CNTNAP4: variants seen among roughly 807,000 people sequenced by gnomAD.
The protein encoded by CNTNAP4 is contactin-associated protein-like 4.
In CNTNAP4, 98 loss-of-function variants were observed where a neutral mutation model predicts 148.4. That is an observed-to-expected ratio of 0.66 (90% CI 0.56 to 0.78). The LOEUF (loss-of-function observed/expected upper bound fraction) is 0.78, where lower values mean the gene tolerates loss of function less well. Among genes scored for constraint, CNTNAP4 ranks in the 30% least tolerant of loss-of-function variants. The pLI is 0.00. For missense variants in CNTNAP4, 1,935 were observed against 1,565.6 expected (o/e 1.24, Z -3.98); for synonymous variants, 730 against 565.1 (o/e 1.29, Z -4.14).
intron 4 of CNTNAP4, among the ~76,000 whole-genome samples, chr16:76,439,945 A>G (rs1220784977): frequency 1.3e-5 from 2 of 152,162 alleles, no homozygotes; most frequent in African/African-American, 2.4e-5. Flanking sequence ...TCAAGTGCCT[A>G]TCTATCATGC....
At chr16:76,337,394 A>G (rs549992642) in intron 2 of CNTNAP4, among the ~76,000 whole-genome samples, 2 of 152,292 alleles carry the variant, frequency 1.3e-5, no homozygotes, top group African/African-American at 4.8e-5. Flanking sequence ...CAGGGGTGAC[A>G]TCACATATCG....
chr16:76,419,491 G>C (rs1336942789), intron 3 of CNTNAP4, among the ~76,000 whole-genome samples: 1 of 152,024 alleles, frequency 6.6e-6, no homozygotes, highest in African/African-American at 2.4e-5. Flanking sequence ...CTCTAAGACT[G>C]TGGTCAGGAA....
rs1024857174 is a variant in CNTNAP4, at chr16:76,451,979, A to G, written c.1072-529A>G. ...CATTACGTATTATATATATGTATCA[A>G]AATATCACATGTGCCTCATAAATAT... On this transcript the variant is annotated intron_variant, in intron 7 of 23. Transcript: ENST00000611870. Among the ~76,000 whole-genome samples, 8 of 152,168 alleles carry G rather than the reference A, an allele frequency of 5.3e-5. No homozygotes were observed. The East Asian group carries it at 1.2e-3, about 22-fold the overall frequency.
At chr16:76,498,177 G>A (rs1283348796) in intron 14 of CNTNAP4, among the ~76,000 whole-genome samples, 1 of 152,116 alleles carries the variant, frequency 6.6e-6, no homozygotes, top group Non-Finnish European at 1.5e-5. Flanking sequence ...GATCACTTGA[G>A]GCCAGGAGTT....
At chr16:76,469,336 CAT>C (rs1195958932) in intron 10 of CNTNAP4, among the ~76,000 whole-genome samples, 17 of 152,104 alleles carry the variant, frequency 1.1e-4, no homozygotes, top group African/African-American at 4.1e-4. Flanking sequence ...TGAACTTGTC[CAT>C]AGTTACAACC....
intron 3 of CNTNAP4, among the ~76,000 whole-genome samples, chr16:76,414,474 G>T (rs1188120614): frequency 1.3e-5 from 2 of 151,052 alleles, no homozygotes; most frequent in African/African-American, 4.8e-5. Flanking sequence ...GGGTAAGATC[G>T]ACTTTTATTT....
intron 10 of CNTNAP4, among the ~76,000 whole-genome samples, chr16:76,470,851 C>A (rs2143547390): frequency 6.6e-6 from 1 of 152,200 alleles, no homozygotes; most frequent in East Asian, 1.9e-4. Context: ...ACACTCTACA[C>A]ACATGCACCA....
chr16:76,527,101 C>G (rs943115750), intron 17 of CNTNAP4, among the ~76,000 whole-genome samples: 16 of 152,168 alleles, frequency 1.1e-4, no homozygotes, highest in African/African-American at 3.6e-4. Context: ...GCTTGCCAGG[C>G]TGCAAAGAGT....
intron 3 of CNTNAP4, among the ~76,000 whole-genome samples, chr16:76,367,161 G>C (rs958568623): frequency 6.6e-6 from 1 of 151,874 alleles, no homozygotes; most frequent in Non-Finnish European, 1.5e-5. Context: ...GCATAAAATA[G>C]ATACAGCATT....
At chr16:76,484,190 G>A (rs2081941130) in intron 12 of CNTNAP4, among the ~76,000 whole-genome samples, 1 of 141,106 alleles carries the variant, frequency 7.1e-6, no homozygotes, top group South Asian at 2.3e-4. Flanking sequence ...TGGGGAAAGA[G>A]AGAGAGAGAA....
At chr16:76,454,758 A>G (rs1429099405) in intron 8 of CNTNAP4, among the ~76,000 whole-genome samples, 2 of 152,210 alleles carry the variant, frequency 1.3e-5, no homozygotes, top group East Asian at 1.9e-4. Context: ...TAATTAAACC[A>G]GTTGTCAGGA....
At chr16:76,479,949 C>T (rs774114691) in intron 12 of CNTNAP4, among the ~76,000 whole-genome samples, 4 of 152,070 alleles carry the variant, frequency 2.6e-5, no homozygotes, top group Non-Finnish European at 4.4e-5. Flanking sequence ...TTAAATTCAA[C>T]ATTCATCCAT....
At chr16:76,386,075 C>T (rs995700243) in intron 3 of CNTNAP4, among the ~76,000 whole-genome samples, 3 of 152,204 alleles carry the variant, frequency 2.0e-5, no homozygotes, top group African/African-American at 7.2e-5. Flanking sequence ...GTACGTTGGG[C>T]AGCCCAGAGT....
At chr16:76,356,405 G>C (rs558115046) in intron 3 of CNTNAP4, among the ~76,000 whole-genome samples, 286 of 152,224 alleles carry the variant, frequency 1.9e-3, no homozygotes, top group Non-Finnish European at 3.1e-3. Context: ...GCTGTGTGTT[G>C]TAAACAGTGG....
chr16:76,510,725 T>G (rs887975687), intron 15 of CNTNAP4, among the ~76,000 whole-genome samples: 3 of 152,208 alleles, frequency 2.0e-5, no homozygotes, highest in Non-Finnish European at 4.4e-5. Flanking sequence ...AAAAATTTTC[T>G]CAACAGGGCT....
rs11647332 is a variant in CNTNAP4, at chr16:76,370,896, C to T, written c.390+15385C>T. Among the ~76,000 whole-genome samples, 492 of 152,194 alleles carry T rather than the reference C, an allele frequency of 3.2e-3. 3 individuals are homozygous for T. The highest frequency in any genetic ancestry group is 0.011 in the African/African-American group (457 of 41,512). ...AAGTTTCCCCCTAAATTTATGTTAACTAGTGCCACATGTATAAAATGTTAC... is the reference window on the plus strand; with the variant it reads ...AAGTTTCCCCCTAAATTTATGTTAATTAGTGCCACATGTATAAAATGTTAC... On this transcript the variant is annotated intron_variant, in intron 3 of 23. Coordinates refer to ENST00000611870, the MANE Select transcript of CNTNAP4 (RefSeq NM_033401.5).
At chr16:76,385,378 G>GT (rs1365677415) in intron 3 of CNTNAP4, among the ~76,000 whole-genome samples, 2 of 151,780 alleles carry the variant, frequency 1.3e-5, no homozygotes, top group East Asian at 1.9e-4. Flanking sequence ...AAAATACCTT[G>GT]TTTTTTTATT....
At chr16:76,299,933 G>A (rs950315960) in intron 1 of CNTNAP4, among the ~76,000 whole-genome samples, 1 of 152,052 alleles carries the variant, frequency 6.6e-6, no homozygotes, top group Non-Finnish European at 1.5e-5. Context: ...CTCATAGGTG[G>A]GATTTGAACA....
In CNTNAP4 at chr16:76,559,762, A is replaced by G. The variant is rs61048141; in HGVS notation, c.*1079A>G. ...ATTGAAGTATAGAGCCCCATTTCCC[A>G]TTCTGAAACATATACCCCTTTAGGT... On this transcript the variant is annotated 3_prime_UTR_variant, in exon 24 of 24. Coordinates refer to ENST00000611870, the MANE Select transcript of CNTNAP4 (RefSeq NM_033401.5). Among the ~76,000 whole-genome samples the G allele has an allele frequency of 0.011, 1,666 of 152,212 alleles. 30 individuals carry two copies. Among genetic ancestry groups the G allele is most frequent in the African/African-American group, 0.037 (1,549 of 41,524 alleles).
Sources: gnomAD v4.1 joint callset for allele counts (sites outside exome capture counted in the v4.1 genomes callset) on GRCh38, gnomAD v4.1.1 for gene constraint, MANE v1.5 for transcripts, NCBI Gene and HGNC (gene_info 2026-07-23, HGNC 2026-07-21) for gene names.